The following CCND3 variants were observed in gnomAD, a reference collection of about 807,000 sequenced individuals.
CCND3 encodes G1/S-specific cyclin-D3.
Under a neutral mutation model 28.7 loss-of-function variants are expected in CCND3, and 9 were observed. The ratio of observed to expected loss-of-function variants is 0.31; its 90% confidence interval spans 0.19 to 0.55. The LOEUF (loss-of-function observed/expected upper bound fraction) is 0.55. CCND3 is among the 20% of genes least tolerant of loss of function. CCND3 has a pLI of 0.93. For synonymous variants in CCND3, 164 were observed against 163.9 expected (o/e 1.00, Z 0.00); for missense variants, 315 against 385.8 (o/e 0.82, Z 1.54).
At chr6:41,953,904 A>G (rs1450531678) in intron 1 of CCND3, among the ~76,000 whole-genome samples, 1 of 151,902 alleles carries the variant, frequency 6.6e-6, no homozygotes, top group African/African-American at 2.4e-5. Context: ...AATACTTACT[A>G]TGTGCCAGGC....
At chr6:41,962,431 G>A (rs897578190) in intron 1 of CCND3, among the ~76,000 whole-genome samples, 48 of 151,894 alleles carry the variant, frequency 3.2e-4, no homozygotes, top group African/African-American at 1.1e-3. Context: ...CTTCAGGAAT[G>A]CACATGTGCT....
At chr6:42,027,439 CAAAAAAAAA>C (rs5875782) in intron 1 of CCND3, among the ~76,000 whole-genome samples, 11 of 132,230 alleles carry the variant, frequency 8.3e-5, no homozygotes, top group East Asian at 4.0e-4. Flanking sequence ...GGCTCCATCT[CAAAAAAAAA>C]AAAAAAAAAG....
In CCND3 at chr6:41,988,699, C is replaced by CTTTTTTTT. The variant is rs758582662; in HGVS notation, c.-45-48122_-45-48115dup. On this transcript the variant is annotated intron_variant, in intron 1 of 4. Coordinates refer to the CCND3 transcript ENST00000372988. ...ATAATTGATAAGCTGAACTTCTTTTCTTTTTTTTTTTTTTTTTGAGACGGA... is the reference window on the plus strand; with the variant it reads ...ATAATTGATAAGCTGAACTTCTTTTCTTTTTTTTTTTTTTTTTTTTTTTTTGAGACGGA... Among the ~76,000 whole-genome samples the CTTTTTTTT allele has an allele frequency of 9.5e-4, 92 of 96,634 alleles. 2 individuals carry two copies. The highest frequency in any genetic ancestry group is 1.2e-3 in the Non-Finnish European group (53 of 43,160). 63.4% of individuals were successfully genotyped at this position (96,634 alleles called of 152,430 possible). A position where few individuals can be genotyped will look rare whatever the true frequency, so the allele number is the denominator to read the frequency against.
At chr6:41,980,640 T>A (rs1334775559) in intron 1 of CCND3, among the ~76,000 whole-genome samples, 1 of 152,142 alleles carries the variant, frequency 6.6e-6, no homozygotes, top group African/African-American at 2.4e-5. Context: ...CAACAAAATA[T>A]AAGCAAATTT....
upstream of CCND3, among the ~76,000 whole-genome samples, chr6:41,944,513 CT>C (rs1467769075): frequency 1.3e-5 from 2 of 151,884 alleles, no homozygotes; most frequent in Non-Finnish European, 2.9e-5. Context: ...CCTCTGCCTC[CT>C]GGTTTCAAGT....
At chr6:41,980,786 G>A (rs1406018317) in intron 1 of CCND3, among the ~76,000 whole-genome samples, 1 of 152,154 alleles carries the variant, frequency 6.6e-6, no homozygotes, top group Admixed American at 6.6e-5. Flanking sequence ...AAAATCACAT[G>A]ATCTCGTCAA....
intron 1 of CCND3, among the ~76,000 whole-genome samples, chr6:41,982,624 A>G (rs1762380463): frequency 6.6e-6 from 1 of 152,170 alleles, no homozygotes; most frequent in Admixed American, 6.5e-5. Context: ...AGTAGCCAAC[A>G]TAATATTAAA....
intron 1 of CCND3, among the ~76,000 whole-genome samples, chr6:41,972,155 G>A (rs1762048285): frequency 6.7e-6 from 1 of 149,386 alleles, no homozygotes; most frequent in Admixed American, 6.7e-5. Context: ...GTGAACCTGG[G>A]AGGTGGAGCT....
chr6:41,969,944 C>T (rs1027348863), intron 1 of CCND3, among the ~76,000 whole-genome samples: 1 of 152,202 alleles, frequency 6.6e-6, no homozygotes, highest in South Asian at 2.1e-4. Context: ...TGGTGGTGAA[C>T]GCCTGTAGTC....
upstream of CCND3, among the ~76,000 whole-genome samples, chr6:41,942,973 G>C (rs931358008): frequency 6.6e-6 from 1 of 150,468 alleles, no homozygotes; most frequent in Non-Finnish European, 1.5e-5. Flanking sequence ...CCACCTCCCG[G>C]GTTCAAGCAA....
At chr6:41,976,792 G>A (rs950925352) in intron 1 of CCND3, among the ~76,000 whole-genome samples, 1 of 152,080 alleles carries the variant, frequency 6.6e-6, no homozygotes, top group Non-Finnish European at 1.5e-5. Flanking sequence ...GCTCCTGGGG[G>A]CTAGATACCC....
chr6:41,973,588 T>C (rs1363176090), intron 1 of CCND3, among the ~76,000 whole-genome samples: 2 of 152,090 alleles, frequency 1.3e-5, no homozygotes, highest in Admixed American at 6.6e-5. Flanking sequence ...AATCCTGGAG[T>C]TGGACTGACC....
chr6:42,027,768 CA>C (rs1444714982), intron 1 of CCND3, among the ~76,000 whole-genome samples: 38 of 151,776 alleles, frequency 2.5e-4, no homozygotes, highest in African/African-American at 8.9e-4. Context: ...GTTTTTGAGA[CA>C]AGAGTTTTGC....
At chr6:41,981,099 T>TA (rs1181244928) in intron 1 of CCND3, among the ~76,000 whole-genome samples, 1 of 144,726 alleles carries the variant, frequency 6.9e-6, no homozygotes, top group Non-Finnish European at 1.5e-5. Context: ...TGTTTGAAGA[T>TA]AAAATTATTA....
At chr6:42,036,398 T>TAG (rs1391288043) in intron 1 of CCND3, among the ~76,000 whole-genome samples, 2 of 49,060 alleles carry the variant, frequency 4.1e-5, no homozygotes, top group Non-Finnish European at 7.5e-5. Context: ...TATATATATA[T>TAG]ATATATTTTT....
intron 1 of CCND3, among the ~76,000 whole-genome samples, chr6:42,015,666 C>T (rs565048847): frequency 7.3e-5 from 11 of 151,506 alleles, no homozygotes; most frequent in South Asian, 2.1e-4. Context: ...GCGGAGATCA[C>T]GCCACTGCAC....
Position 41,936,721 on chromosome 6 carries a change from G to T in CCND3, c.575-26C>A. 1 of 1,607,756 alleles carries T rather than the reference G, an allele frequency of 6.2e-7. No homozygotes were observed. Among genetic ancestry groups the T allele is most frequent in the South Asian group, 1.1e-5 (1 of 90,634 alleles). On this transcript the variant is annotated intron_variant, in intron 3 of 4. Coordinates refer to ENST00000372991, the MANE Select transcript of CCND3 (RefSeq NM_001760.5). This position sits in a 1 kb window ranked among gnomAD's most constrained non-coding sequence, Gnocchi z 4.4. ...CTTGGAGAGGAGGAAAGGGAACCAT[G>T]AGAGAAGGAAACCTGAAGGATAACG...
At chr6:41,937,728 A>G in intron 2 of CCND3, 2 of 321,428 alleles carry the variant, frequency 6.2e-6, no homozygotes, top group South Asian at 7.7e-5. Flanking sequence ...TTCTCCAGCC[A>G]GGGCTGAAAG....
intron 1 of CCND3, among the ~76,000 whole-genome samples, chr6:41,951,450 TACTC>T (rs1776309367): frequency 8.3e-6 from 1 of 119,874 alleles, no homozygotes; most frequent in Non-Finnish European, 1.8e-5. Flanking sequence ...GCTACTCAGC[TACTC>T]GGGAGGCTGA....
Sources: gnomAD v4.1 joint callset for allele counts (sites outside exome capture counted in the v4.1 genomes callset) on GRCh38, gnomAD v4.1.1 for gene constraint, Gnocchi (gnomAD v3.1) non-coding constraint, MANE v1.5 for transcripts, NCBI Gene and HGNC (gene_info 2026-07-23, HGNC 2026-07-21) for gene names.